TYW1B: variants seen among roughly 807,000 people sequenced by gnomAD.
TYW1B encodes tRNA-yW synthesizing protein 1 homolog B.
TYW1B carries 73 observed loss-of-function variants against 86.9 expected under a neutral mutation model. That is an observed-to-expected ratio of 0.84 (90% confidence interval 0.70 to 1.02). TYW1B has a LOEUF of 1.02. TYW1B is among the 50% of genes least tolerant of loss of function. The pLI is 0.00. For missense variants in TYW1B, 637 were observed against 827.4 expected (o/e 0.77, Z 2.82); for synonymous variants, 248 against 292.8 (o/e 0.85, Z 1.56).
chr7:72,720,157 T>C (rs1639749370), intron 9 of TYW1B, among the ~76,000 whole-genome samples: 3 of 152,014 alleles, frequency 2.0e-5, no homozygotes, highest in East Asian at 1.9e-4. Flanking sequence ...TTCAAATGGA[T>C]TGGATGTAGG....
rs1814022425 is a variant in TYW1B at position 72,687,024 on chromosome 7, G to A, written c.1506+7663C>T. 2.6e-5 allele frequency among the ~76,000 whole-genome samples: 4 copies of A among 152,208 alleles called. No homozygotes were observed. The East Asian group carries it at 5.8e-4, about 22-fold the overall frequency. On this transcript the variant is annotated intron_variant, in intron 11 of 13. Coordinates refer to ENST00000620995, the MANE Select transcript of TYW1B (RefSeq NM_001145440.3). ...AAACTATCTTCATGACCTTGGGGTG[G>A]GCAAAGATTTCACAAATAGGACAGG...
At chr7:72,707,730 C>T (rs1814646444) in intron 10 of TYW1B, among the ~76,000 whole-genome samples, 1 of 152,186 alleles carries the variant, frequency 6.6e-6, no homozygotes, top group Admixed American at 6.5e-5. Flanking sequence ...TGTGAAAACT[C>T]CTCTAAGGGG....
At chr7:72,804,757 T>G (rs1190855581) in intron 5 of TYW1B, among the ~76,000 whole-genome samples, 2 of 152,062 alleles carry the variant, frequency 1.3e-5, no homozygotes, top group African/African-American at 4.8e-5. Flanking sequence ...GGAGGATCAC[T>G]TGAGCCCAGG....
chr7:72,609,011 CCAA>C (rs1554435404), intron 13 of TYW1B, among the ~76,000 whole-genome samples: 1 of 152,164 alleles, frequency 6.6e-6, no homozygotes, highest in East Asian at 1.9e-4. Flanking sequence ...ATGGGTTGTA[CCAA>C]CGTCTATTTC....
chr7:72,744,809 T>C (rs1787367347), intron 7 of TYW1B, among the ~76,000 whole-genome samples: 1 of 152,196 alleles, frequency 6.6e-6, no homozygotes, highest in Non-Finnish European at 1.5e-5. Flanking sequence ...AATAAACCTA[T>C]GATTCATTAA....
intron 6 of TYW1B, among the ~76,000 whole-genome samples, chr7:72,778,281 A>G (rs17144841): frequency 0.69 from 104,924 of 152,044 alleles, 37,171 homozygotes; most frequent in Non-Finnish European, 0.77. Flanking sequence ...TAAAATCACA[A>G]CACAACACCT....
chr7:72,680,396 T>G (rs1554448176), intron 11 of TYW1B, among the ~76,000 whole-genome samples: 2 of 152,070 alleles, frequency 1.3e-5, no homozygotes, highest in African/African-American at 4.8e-5. Context: ...GCCTTCATCT[T>G]TCTCCCGTGC....
chr7:72,659,839 T>C (rs1180754970), intron 11 of TYW1B, among the ~76,000 whole-genome samples: 3 of 152,196 alleles, frequency 2.0e-5, no homozygotes, highest in Non-Finnish European at 4.4e-5. Context: ...GAAACAGCAC[T>C]GCATTCAGGA....
At chr7:72,577,712 A>C (rs1811055359) in intron 13 of TYW1B, among the ~76,000 whole-genome samples, 1 of 152,028 alleles carries the variant, frequency 6.6e-6, no homozygotes, top group South Asian at 2.1e-4. Context: ...TCTCAACTTC[A>C]CACAGACGGC....
rs373101688 is a variant in TYW1B at position 72,717,589 on chromosome 7, C to T, written c.1193-3791G>A. ...CTCAGAACACACATTCTTCTTAGAA[C>T]ATACAGTCATTCTCCGGGTATGTTT... On this transcript the variant is annotated intron_variant, in intron 9 of 13. Coordinates refer to ENST00000620995, the MANE Select transcript of TYW1B (RefSeq NM_001145440.3). Among the ~76,000 whole-genome samples, 4 of 152,054 alleles carry T rather than the reference C, an allele frequency of 2.6e-5. No homozygotes were observed. The East Asian group carries it at 5.8e-4, about 22-fold the overall frequency.
intron 11 of TYW1B, among the ~76,000 whole-genome samples, chr7:72,636,219 T>TC (rs1185013192): frequency 1.3e-5 from 2 of 152,324 alleles, no homozygotes; most frequent in South Asian, 2.1e-4. Context: ...TTTCTATTTT[T>TC]CCTCTTTTAA....
At chr7:72,603,898 C>G (rs189988625) in intron 13 of TYW1B, among the ~76,000 whole-genome samples, 3 of 152,190 alleles carry the variant, frequency 2.0e-5, no homozygotes, top group African/African-American at 7.2e-5. Flanking sequence ...AACTGCCACA[C>G]CAAGAGGAGC....
chr7:72,764,771 G>T (rs1275062226), intron 7 of TYW1B, among the ~76,000 whole-genome samples: 1 of 152,120 alleles, frequency 6.6e-6, no homozygotes, highest in Non-Finnish European at 1.5e-5. Flanking sequence ...AAAATTTAAT[G>T]ACTTCAAATT....
In TYW1B at chr7:72,747,890, T is replaced by C. The variant is rs181220797; in HGVS notation, c.965-3289A>G. 5.9e-3 allele frequency among the ~76,000 whole-genome samples: 902 copies of C among 152,346 alleles called. 12 individuals carry two copies. Among genetic ancestry groups the C allele is most frequent in the African/African-American group, 0.019 (805 of 41,578 alleles). On this transcript the variant is annotated intron_variant, in intron 7 of 13. Transcript: ENST00000620995. ...TCAGCATCCAGTCCTGTGTATGTTTTGTTAAATGTAAATCGAAGCATATTA... is the reference window on the plus strand; with the variant it reads ...TCAGCATCCAGTCCTGTGTATGTTTCGTTAAATGTAAATCGAAGCATATTA...
At chr7:72,817,992 G>C (rs1349076465) in intron 2 of TYW1B, among the ~76,000 whole-genome samples, 2 of 150,992 alleles carry the variant, frequency 1.3e-5, no homozygotes, top group African/African-American at 4.9e-5. Flanking sequence ...CTTAGGCTCT[G>C]TCTCCAGACT....
chr7:72,792,812 G>A (rs1788242921), intron 6 of TYW1B, among the ~76,000 whole-genome samples: 1 of 152,162 alleles, frequency 6.6e-6, no homozygotes, highest in African/African-American at 2.4e-5. Context: ...CCAGAAAGTT[G>A]TCATGTTAAA....
intron 13 of TYW1B, among the ~76,000 whole-genome samples, chr7:72,611,565 C>T (rs1490806027): frequency 6.6e-6 from 1 of 152,178 alleles, no homozygotes; most frequent in African/African-American, 2.4e-5. Flanking sequence ...ATTGTGAGGC[C>T]TCCCCAGCCA....
chr7:72,673,461 C>G (rs1813659148), intron 11 of TYW1B, among the ~76,000 whole-genome samples: 1 of 152,166 alleles, frequency 6.6e-6, no homozygotes, highest in Non-Finnish European at 1.5e-5. Context: ...ATGGATGGAA[C>G]TGCAGGTCAT....
chr7:72,789,643 T>A (rs1220829979), intron 6 of TYW1B, among the ~76,000 whole-genome samples: 5 of 152,122 alleles, frequency 3.3e-5, no homozygotes, highest in Admixed American at 1.3e-4. Flanking sequence ...AGTATTTTTT[T>A]AATTTTTTTT....
Sources: allele counts gnomAD v4.1 joint callset (sites outside exome capture counted in the v4.1 genomes callset), GRCh38; gene constraint gnomAD v4.1.1; transcripts MANE v1.5; gene names NCBI Gene and HGNC (gene_info 2026-07-23, HGNC 2026-07-21).